CCR3: variants seen among roughly 807,000 people sequenced by gnomAD.
CCR3 encodes the protein C-C chemokine receptor type 3.
For synonymous variants in CCR3, 203 were observed against 179.2 expected (o/e 1.13, Z -1.06); for missense variants, 419 against 437.5 (o/e 0.96, Z 0.38).
rs115150928 is a variant in CCR3 at position 46,254,188 on chromosome 3, G to A, written c.-11-10960G>A. 6.3e-3 allele frequency among the ~76,000 whole-genome samples: 964 copies of A among 152,232 alleles called. 10 individuals are homozygous for A. The highest frequency in any genetic ancestry group is 0.022 in the African/African-American group (922 of 41,556). ...GAGGTCCTGATTTATGTACCAAAAAGCCACTTACAATTATGTGTATAAGTA... is the reference window on the plus strand; with the variant it reads ...GAGGTCCTGATTTATGTACCAAAAAACCACTTACAATTATGTGTATAAGTA... On this transcript the variant is annotated intron_variant, in intron 1 of 1. Coordinates refer to ENST00000395940, the MANE Select transcript of CCR3 (RefSeq NM_178329.3).
intron 1 of CCR3, 132 bp from the exon 2 acceptor site, chr3:46,265,016 T>G: frequency 1.5e-6 from 1 of 645,988 alleles, no homozygotes; most frequent in Non-Finnish European, 2.7e-6. Flanking sequence ...CTTTTGAAAT[T>G]CATGTTAAAG....
At chr3:46,244,031 T>C (rs181451366) in intron 1 of CCR3, among the ~76,000 whole-genome samples, 5 of 152,316 alleles carry the variant, frequency 3.3e-5, no homozygotes, top group African/African-American at 1.2e-4. Context: ...CAAGAGTATA[T>C]ATATTGTTAC....
At chr3:46,222,601 T>C (rs1251747246) in intron 2 of CCR3, among the ~76,000 whole-genome samples, 2 of 152,144 alleles carry the variant, frequency 1.3e-5, no homozygotes, top group Admixed American at 6.5e-5. Flanking sequence ...CCAGGCATGC[T>C]GCGCTCCTCA....
At chr3:46,226,869 T>C (rs1699905484) in intron 2 of CCR3, among the ~76,000 whole-genome samples, 1 of 151,444 alleles carries the variant, frequency 6.6e-6, no homozygotes, top group African/African-American at 2.4e-5. Context: ...TATATATATA[T>C]ATATATTTTC....
chr3:46,264,060 C>A (rs28361974), intron 1 of CCR3: 5 of 277,330 alleles, frequency 1.8e-5, no homozygotes, highest in South Asian at 1.4e-4. Context: ...CCTTCCATGA[C>A]TCCTGCCTTA....
chr3:46,245,952 A>G (rs372033603), intron 1 of CCR3, among the ~76,000 whole-genome samples: 1 of 152,106 alleles, frequency 6.6e-6, no homozygotes, highest in African/African-American at 2.4e-5. Context: ...TCTGTCATTG[A>G]TGGGCATTTA....
upstream of CCR3, among the ~76,000 whole-genome samples, chr3:46,240,957 G>A (rs750847714): frequency 9.2e-5 from 14 of 152,184 alleles, no homozygotes; most frequent in Non-Finnish European, 1.2e-4. Context: ...TATTGAATAT[G>A]CTGTAGATTA....
Position 46,213,425 on chromosome 3 carries a change from T to G in CCR3, c.-68+2518T>G, listed in dbSNP as rs143626886. On this transcript the variant is annotated intron_variant, in intron 2 of 3. Transcript: ENST00000357422. Reference sequence around the variant, plus strand: ...AGTCACATGATGCTGCTTTTGCAAGTAAGTCACAAAGCCAAGCCACATTCA... The same window carrying G: ...AGTCACATGATGCTGCTTTTGCAAGGAAGTCACAAAGCCAAGCCACATTCA... Among the ~76,000 whole-genome samples the G allele has an allele frequency of 3.1e-3, 474 of 152,344 alleles. 4 individuals are homozygous for G. Among genetic ancestry groups the G allele is most frequent in the African/African-American group, 0.01 (429 of 41,578 alleles).
chr3:46,217,814 G>T (rs979552394), intron 2 of CCR3, among the ~76,000 whole-genome samples: 5 of 151,798 alleles, frequency 3.3e-5, no homozygotes, highest in African/African-American at 1.2e-4. Flanking sequence ...TACAGCAAAA[G>T]CGGTGCTAAG....
At chr3:46,264,316 T>G (rs1700578263) in intron 1 of CCR3, 1 of 926,056 alleles carries the variant, frequency 1.1e-6, no homozygotes, top group Admixed American at 2.1e-5. Context: ...TGCTTATAAT[T>G]GTAATTATTG....
chr3:46,220,410 A>G (rs1699823212), intron 2 of CCR3, among the ~76,000 whole-genome samples: 1 of 152,232 alleles, frequency 6.6e-6, no homozygotes, highest in African/African-American at 2.4e-5. Context: ...CTGGGCATGT[A>G]AACTAGTACA....
intron 1 of CCR3, among the ~76,000 whole-genome samples, chr3:46,262,202 G>T (rs1291542482): frequency 6.6e-6 from 1 of 152,242 alleles, no homozygotes; most frequent in Non-Finnish European, 1.5e-5. Context: ...TCAAATGAAT[G>T]AATCAAGAGA....
intron 2 of CCR3, among the ~76,000 whole-genome samples, chr3:46,216,722 A>G (rs1224753659): frequency 6.6e-6 from 1 of 152,196 alleles, no homozygotes; most frequent in African/African-American, 2.4e-5. Context: ...TAAAATAATT[A>G]TCACCCTAGA....
chr3:46,266,193 C>A lies in CCR3; in HGVS notation c.1035C>A (p.Ser345=), dbSNP rs1272718120. Residue 345 remains serine, a synonymous_variant, in exon 2 of 2, where the codon TCC becomes TCA. Transcript: ENST00000395940. Reference sequence around the variant, plus strand: ...AAAGAACCAGCTCTGTCTCTCCATCCACAGCAGAGCCGGAACTCTCTATTG... The same window carrying A: ...AAAGAACCAGCTCTGTCTCTCCATCAACAGCAGAGCCGGAACTCTCTATTG... ...KLERTSSVSP[S]TAEPELSIVF is the part of the protein sequence containing the mutation. 3 of 1,613,360 alleles carry A rather than the reference C, an allele frequency of 1.9e-6. No homozygotes were observed. Among genetic ancestry groups the A allele is most frequent in the Non-Finnish European group, 2.5e-6 (3 of 1,179,518 alleles).
intron 1 of CCR3, among the ~76,000 whole-genome samples, chr3:46,243,921 C>A (rs1434081287): frequency 1.3e-5 from 2 of 151,970 alleles, no homozygotes; most frequent in Non-Finnish European, 2.9e-5. Context: ...TAATGGCAAC[C>A]CTTTTGCCCA....
Position 46,259,048 on chromosome 3 carries a change from G to A in CCR3, c.-11-6100G>A, listed in dbSNP as rs575083592. 3.9e-4 allele frequency among the ~76,000 whole-genome samples: 59 copies of A among 152,262 alleles called. No individual in the cohort carries two copies. In the South Asian group the frequency reaches 0.012, roughly 31 times the overall value. On this transcript the variant is annotated intron_variant, in intron 1 of 1. Transcript: ENST00000395940. The stretch of plus-strand genomic sequence containing the variant: ...TTGGCTTGCAGTTTGAATGTCTCTG[G>A]TAATGTCAGTGGAGGTCCAGGGAAC...
chr3:46,246,354 G>A (rs911050089), intron 1 of CCR3, among the ~76,000 whole-genome samples: 42 of 152,092 alleles, frequency 2.8e-4, no homozygotes, highest in African/African-American at 3.6e-4. Flanking sequence ...GGGTGCAGGC[G>A]GGCTGAGTCC....
upstream of CCR3, among the ~76,000 whole-genome samples, chr3:46,242,055 C>T (rs948751990): frequency 6.6e-6 from 1 of 151,716 alleles, no homozygotes; most frequent in Admixed American, 6.6e-5. Context: ...ATCCCTTGAA[C>T]CCAGGAGGTG....
At chr3:46,249,780 A>C (rs1700270084) in intron 1 of CCR3, among the ~76,000 whole-genome samples, 1 of 152,054 alleles carries the variant, frequency 6.6e-6, no homozygotes. Flanking sequence ...GTTCTGGAGG[A>C]ACGCCTGGCC....
Sources: gnomAD v4.1 joint callset for allele counts (sites outside exome capture counted in the v4.1 genomes callset) on GRCh38, gnomAD v4.1.1 for gene constraint, MANE v1.5 for transcripts, NCBI Gene and HGNC (gene_info 2026-07-23, HGNC 2026-07-21) for gene names.